ABI1: variants seen among roughly 807,000 people sequenced by gnomAD.
The protein encoded by ABI1 is abl interactor 1.
Under a neutral mutation model 54.6 loss-of-function variants are expected in ABI1, and 14 were observed. The ratio of observed to expected loss-of-function variants is 0.26; its 90% CI spans 0.17 to 0.40. The LOEUF (loss-of-function observed/expected upper bound fraction) is 0.40, where lower values mean the gene tolerates loss of function less well. Among genes scored for constraint, ABI1 ranks in the 10% least tolerant of loss-of-function variants. ABI1 has a pLI of 1.00. For synonymous variants in ABI1, 194 were observed against 209.3 expected, an observed-to-expected ratio of 0.93 and a Z score of 0.63; for missense variants, 443 against 598.3, an observed-to-expected ratio of 0.74 and a Z score of 2.71.
At chr10:26,756,803 T>C (rs1420472138) in intron 8 of ABI1, among the ~76,000 whole-genome samples, 1 of 152,136 alleles carries the variant, frequency 6.6e-6, no homozygotes, top group Non-Finnish European at 1.5e-5. Context: ...AATTTATTGG[T>C]TACCAAGGAT....
intron 2 of ABI1, among the ~76,000 whole-genome samples, chr10:26,818,764 G>A (rs945216247): frequency 6.6e-6 from 1 of 151,978 alleles, no homozygotes. Context: ...GACCGAGGTG[G>A]GTGGATCACG....
At chr10:26,797,675 T>C (rs926282348) in intron 2 of ABI1, among the ~76,000 whole-genome samples, 6 of 152,126 alleles carry the variant, frequency 3.9e-5, no homozygotes, top group South Asian at 4.1e-4. Flanking sequence ...TCTGGCTGAA[T>C]AGTGGGGTCA....
At chr10:26,857,059 C>A (rs1458286454) in intron 1 of ABI1, among the ~76,000 whole-genome samples, 1 of 152,100 alleles carries the variant, frequency 6.6e-6, no homozygotes, top group African/African-American at 2.4e-5. Context: ...GTGGCTCACA[C>A]CTATAATCCC....
At position 26,765,229 on chromosome 10, in the gene ABI1, G is replaced by T; in HGVS notation, c.809C>A (p.Thr270Asn). ...AATAAATAACACACCTGGTCCAATAGTGGGTGGCGAAGGTGTAGGCACAGC... is the reference window on the plus strand; with the variant it reads ...AATAAATAACACACCTGGTCCAATATTGGGTGGCGAAGGTGTAGGCACAGC... ...PIAVPTPSPP[T>N]IGPAAPGSAP... is the part of the protein sequence containing the mutation. Residue 270 changes from threonine (T) to asparagine (N), a missense_variant, in exon 7 of 11, where the codon ACT becomes AAT. Physicochemically the swap from Thr to Asn is moderately conservative, Grantham distance 65 (BLOSUM62 0). Coordinates refer to ENST00000376140, the MANE Select transcript of ABI1 (RefSeq NM_001012750.3). 1 of 1,602,916 alleles carries T rather than the reference G, an allele frequency of 6.2e-7. No individual in the cohort carries two copies. Among genetic ancestry groups the T allele is most frequent in the South Asian group, 1.1e-5 (1 of 88,294 alleles).
At chr10:26,767,510 C>T (rs1840104472) in intron 6 of ABI1, among the ~76,000 whole-genome samples, 2 of 152,032 alleles carry the variant, frequency 1.3e-5, no homozygotes, top group East Asian at 3.8e-4. Context: ...ATAAAGCACT[C>T]AAAAATTGAA....
intron 1 of ABI1, among the ~76,000 whole-genome samples, chr10:26,843,184 G>A (rs1161197278): frequency 6.6e-6 from 1 of 151,662 alleles, no homozygotes; most frequent in Non-Finnish European, 1.5e-5. Context: ...CCAGCATGGT[G>A]GCTTACACCT....
intron 2 of ABI1, among the ~76,000 whole-genome samples, chr10:26,812,604 T>A (rs2047309719): frequency 6.6e-6 from 1 of 152,168 alleles, no homozygotes; most frequent in Non-Finnish European, 1.5e-5. Flanking sequence ...CATAACAAAG[T>A]ACCACAGGTA....
At chr10:26,774,429 T>A (rs17754347) in intron 3 of ABI1, among the ~76,000 whole-genome samples, 9,966 of 152,238 alleles carry the variant, frequency 0.065, 448 homozygotes, top group East Asian at 0.19. Flanking sequence ...TATTCAAGCC[T>A]TCTCTATTCT....
At chr10:26,844,599 C>T (rs1387080949) in intron 1 of ABI1, among the ~76,000 whole-genome samples, 3 of 152,206 alleles carry the variant, frequency 2.0e-5, no homozygotes, top group African/African-American at 7.2e-5. Flanking sequence ...CAACCCACTG[C>T]TCTGCCAATC....
chr10:26,753,561 G>C (rs942079693), intron 9 of ABI1, among the ~76,000 whole-genome samples: 1 of 152,176 alleles, frequency 6.6e-6, no homozygotes, highest in Admixed American at 6.5e-5. Context: ...ATCATAAAGA[G>C]ATGTAAACAC....
At position 26,755,780 on chromosome 10, in the gene ABI1, T is replaced by C. The variant is rs769712908; in HGVS notation, c.998-39A>G. 10 of 1,397,742 alleles carry C rather than the reference T, an allele frequency of 7.2e-6. No homozygotes were observed. In the African/African-American group the frequency reaches 7.2e-5, roughly 10 times the overall value. 86.6% of individuals were successfully genotyped at this position (1,397,742 alleles called of 1,614,324 possible). On this transcript the variant is annotated intron_variant, in intron 8 of 10. Transcript: ENST00000376140. Reference sequence around the variant, plus strand: ...CACAGTATGGGGGAAGTAAAACAGATAAAGGAAAGAAAAGGAAACAAACAA... The same window carrying C: ...CACAGTATGGGGGAAGTAAAACAGACAAAGGAAAGAAAAGGAAACAAACAA...
At chr10:26,809,195 G>A (rs181893020) in intron 2 of ABI1, among the ~76,000 whole-genome samples, 1 of 151,102 alleles carries the variant, frequency 6.6e-6, no homozygotes, top group African/African-American at 2.4e-5. Context: ...ACTTGAACCC[G>A]GGAGGCGGAG....
chr10:26,857,860 A>G (rs940752472), intron 1 of ABI1, among the ~76,000 whole-genome samples: 63 of 151,390 alleles, frequency 4.2e-4, no homozygotes, highest in African/African-American at 1.4e-3. Flanking sequence ...AAAAAAAAAA[A>G]AAAAAGAAAG....
chr10:26,758,097 T>C (rs2132512109), intron 8 of ABI1, among the ~76,000 whole-genome samples: 1 of 147,380 alleles, frequency 6.8e-6, no homozygotes, highest in East Asian at 2.0e-4. Context: ...AAAAAAAACT[T>C]TCCCCTAGCT....
chr10:26,806,736 CT>C (rs1163814590), intron 2 of ABI1, among the ~76,000 whole-genome samples: 1 of 152,016 alleles, frequency 6.6e-6, no homozygotes, highest in African/African-American at 2.4e-5. Flanking sequence ...AAGTTAACAC[CT>C]TACAGGGGAA....
At chr10:26,793,707 A>G (rs911334184) in intron 2 of ABI1, among the ~76,000 whole-genome samples, 4 of 152,220 alleles carry the variant, frequency 2.6e-5, no homozygotes, top group Non-Finnish European at 5.9e-5. Flanking sequence ...TTTTTTATCC[A>G]AACTAGAATC....
chr10:26,795,296 T>C (rs916098746), intron 2 of ABI1, among the ~76,000 whole-genome samples: 2 of 152,064 alleles, frequency 1.3e-5, no homozygotes, highest in Non-Finnish European at 2.9e-5. Flanking sequence ...GACATCTCAA[T>C]GACAATATTG....
intron 2 of ABI1, among the ~76,000 whole-genome samples, chr10:26,801,870 T>C (rs1219393529): frequency 6.6e-6 from 1 of 152,208 alleles, no homozygotes; most frequent in African/African-American, 2.4e-5. Context: ...ATGACCATAA[T>C]AGACCTCCTA....
At chr10:26,808,558 C>A (rs2133502058) in intron 2 of ABI1, among the ~76,000 whole-genome samples, 1 of 151,758 alleles carries the variant, frequency 6.6e-6, no homozygotes, top group Admixed American at 6.6e-5. Flanking sequence ...CCCATTTCTG[C>A]AAAAAATACA....
Sources: gnomAD v4.1 joint callset for allele counts (sites outside exome capture counted in the v4.1 genomes callset) on GRCh38, gnomAD v4.1.1 for gene constraint, MANE v1.5 for transcripts, NCBI Gene and HGNC (gene_info 2026-07-23, HGNC 2026-07-21) for gene names.